Variants in SLC4A9 observed in about 807,000 individuals in gnomAD.
SLC4A9 encodes the protein anion exchange protein 4.
In SLC4A9, 102 loss-of-function variants were observed where a neutral mutation model predicts 103.2. The ratio of observed to expected loss-of-function variants is 0.99; its 90% CI spans 0.84 to 1.17. The LOEUF (loss-of-function observed/expected upper bound fraction) is 1.17, where lower values mean the gene tolerates loss of function less well. SLC4A9 is among the 50% of genes most tolerant of loss of function. The probability of loss-of-function intolerance (pLI) is 0.00; values close to 1 mark genes in which losing one functional copy is unlikely to be tolerated. For missense variants in SLC4A9, 1,091 were observed against 1,193.7 expected, an observed-to-expected ratio of 0.91 and a Z score of 1.27; for synonymous variants, 453 against 483.6, an observed-to-expected ratio of 0.94 and a Z score of 0.83.
intron 19 of SLC4A9, among the ~76,000 whole-genome samples, 161 bp downstream of exon 19, chr5:140,371,785 T>C (rs1427221219): frequency 6.6e-6 from 1 of 152,242 alleles, no homozygotes; most frequent in Non-Finnish European, 1.5e-5. Context: ...GGCAGGATGA[T>C]ACCTATGTAT....
chr5:140,373,317 G>C (rs1470069189), intron 21 of SLC4A9, among the ~76,000 whole-genome samples: 1 of 152,124 alleles, frequency 6.6e-6, no homozygotes, highest in African/African-American at 2.4e-5. Context: ...CATTTTCTGA[G>C]TACCTATCAT....
Position 140,367,518 on chromosome 5 carries a change from C to T in SLC4A9, c.2112C>T (p.Ile704=). The change falls in exon 15 of 22, where the codon ATC becomes ATT. Residue 704 remains isoleucine (I), a synonymous_variant. Transcript: ENST00000506757. Reference sequence around the variant, plus strand: ...CCCTGCCTGCCCTGCTGCTGTCTATCCTCATCTTCATGGACCAACAGATCA... The same window carrying T: ...CCCTGCCTGCCCTGCTGCTGTCTATTCTCATCTTCATGGACCAACAGATCA... The part of the protein sequence containing the change: ...AAALPALLLS[I]LIFMDQQITA... 2 of 1,604,800 alleles carry T rather than the reference C, an allele frequency of 1.2e-6. No individual in the cohort carries two copies. The highest frequency in any genetic ancestry group is 1.3e-5 in the African/African-American group (1 of 74,836).
At chr5:140,362,243 G>A (rs1290938631) in intron 5 of SLC4A9, 69 bp downstream of exon 5, 2 of 1,432,022 alleles carry the variant, frequency 1.4e-6, no homozygotes, top group African/African-American at 1.4e-5. Context: ...AGGAGGGGAA[G>A]GAGGGTCTCA....
chr5:140,370,992 C>T (rs893473869), intron 17 of SLC4A9, 103 bp from the exon 18 acceptor site: 2 of 987,526 alleles, frequency 2.0e-6, no homozygotes, highest in Admixed American at 2.1e-5. Context: ...CTGGGCAGAC[C>T]TGGATGCTAG....
intron 9 of SLC4A9, 32 bp from the exon 10 acceptor site, chr5:140,364,021 AG>A: frequency 6.5e-7 from 1 of 1,529,354 alleles, no homozygotes; most frequent in Non-Finnish European, 8.8e-7. Context: ...CGAGGACTTC[AG>A]GGTCCTGTGC....
Position 140,363,105 on chromosome 5 carries a change from TATAGG to T in SLC4A9, c.962+40_962+44del. Reference sequence around the variant, plus strand: ...ATCATCCCATACAGATTCCTGCCCATATAGGCCCTGGGTCTAATTCCATTGTTGAG... The same window carrying T: ...ATCATCCCATACAGATTCCTGCCCATCCCTGGGTCTAATTCCATTGTTGAG... On this transcript the variant is annotated intron_variant, in intron 7 of 21. Transcript: ENST00000506757. The surrounding 1 kb of genome is among the most constrained non-coding windows in gnomAD (Gnocchi z 4.5). 1 of 1,599,222 alleles carries T rather than the reference TATAGG, an allele frequency of 6.3e-7. No homozygotes were observed. The highest frequency in any genetic ancestry group is 8.5e-7 in the Non-Finnish European group (1 of 1,176,068).
In SLC4A9 at chr5:140,363,222, C is replaced by T. The variant is rs1407894756; in HGVS notation, c.962+156C>T. Among the ~76,000 whole-genome samples the T allele has an allele frequency of 6.6e-6, 1 of 152,196 alleles. No individual in the cohort carries two copies. The highest frequency in any genetic ancestry group is 1.5e-5 in the Non-Finnish European group (1 of 68,032). On this transcript the variant is annotated intron_variant, in intron 7 of 21. Coordinates refer to ENST00000506757, the MANE Select transcript of SLC4A9 (RefSeq NM_031467.3). This position sits in a 1 kb window ranked among gnomAD's most constrained non-coding sequence, Gnocchi z 4.5. ...TAACTCTGAGTTCTGCTGGACTACT[C>T]TCTCGCTAAGAGACCTGAACAAAGA...
rs1039706791 is a variant in SLC4A9 at position 140,369,478 on chromosome 5, G to C, written c.2427+819G>C. 4.6e-5 allele frequency among the ~76,000 whole-genome samples: 7 copies of C among 152,032 alleles called. No individual in the cohort carries two copies. The East Asian group carries it at 1.4e-3, about 29-fold the overall frequency. ...CCCTACCAGCAACACACACAAATGA[G>C]CAAAAATTAAGTAACAAGTAATAGC... On this transcript the variant is annotated intron_variant, in intron 17 of 21. Coordinates refer to ENST00000506757, the MANE Select transcript of SLC4A9 (RefSeq NM_031467.3).
At position 140,367,912 on chromosome 5, in the gene SLC4A9, T is replaced by C; in HGVS notation, c.2354+14T>C. 1.2e-6 allele frequency: 2 copies of C among 1,613,010 alleles called. No homozygotes were observed. The highest frequency in any genetic ancestry group is 1.7e-6 in the Non-Finnish European group (2 of 1,179,480). On this transcript the variant is annotated intron_variant, in intron 16 of 21. Coordinates refer to ENST00000506757, the MANE Select transcript of SLC4A9 (RefSeq NM_031467.3). ...CCTGGGTATCAGGTGAGGGCGGTAT[T>C]TAGGAAGTGGAGTAAGAGGTGGGCA...
intron 17 of SLC4A9, 72 bp from the exon 18 acceptor site, chr5:140,371,023 A>G (rs1179843897): frequency 7.1e-7 from 1 of 1,413,782 alleles, no homozygotes; most frequent in Non-Finnish European, 9.8e-7. Flanking sequence ...GATCTAGGGC[A>G]TCTGGGCATC....
chr5:140,365,778 G>C, intron 12 of SLC4A9, 56 bp from the exon 13 acceptor site: 3 of 1,562,806 alleles, frequency 1.9e-6, no homozygotes, highest in Non-Finnish European at 1.7e-6. Flanking sequence ...TGGTCCAGGA[G>C]AGCAGGACAT....
intron 17 of SLC4A9, among the ~76,000 whole-genome samples, chr5:140,370,485 A>G (rs1421569619): frequency 6.6e-6 from 1 of 151,940 alleles, no homozygotes; most frequent in Non-Finnish European, 1.5e-5. Context: ...AAACAAAAAC[A>G]AAAAAACAAA....
chr5:140,372,665 T>C, intron 20 of SLC4A9, 80 bp from the exon 21 acceptor site: 2 of 1,458,962 alleles, frequency 1.4e-6, no homozygotes, highest in Non-Finnish European at 1.8e-6. Context: ...TTTGTCTCAC[T>C]GTGGGTTTAC....
At chr5:140,374,661 G>A (rs1581175460) in intron 21 of SLC4A9, 166 bp from the exon 22 acceptor site, 1 of 150,784 alleles carries the variant, frequency 6.6e-6, no homozygotes, top group Non-Finnish European at 1.5e-5. Context: ...GGCTGGCCCC[G>A]AACAAGATCT....
chr5:140,361,928 T>G (rs577721738), intron 4 of SLC4A9, 65 bp downstream of exon 4: 64 of 1,613,310 alleles, frequency 4.0e-5, no homozygotes, highest in Admixed American at 8.3e-5. Context: ...TTAACAAAAG[T>G]CTACTCTCCA....
intron 6 of SLC4A9, 86 bp downstream of exon 6, chr5:140,362,618 G>A (rs2126747882): frequency 2.3e-6 from 3 of 1,313,288 alleles, no homozygotes; most frequent in East Asian, 2.3e-5. Context: ...ATGGGCTCAT[G>A]TGAGTGTGTG....
chr5:140,364,376 G>C lies in SLC4A9; in HGVS notation c.1402G>C (p.Asp468His). 1 of 1,612,862 alleles carries C rather than the reference G, an allele frequency of 6.2e-7. No homozygotes were observed. Among genetic ancestry groups the C allele is most frequent in the Non-Finnish European group, 8.5e-7 (1 of 1,179,872 alleles). ...TCATCCCCACAGAGATTACAGCCTG[G>C]ACTACCTGCCCTTCCGCCTATGGGT... ...LFSFSRDYSL[D>H]YLPFRLWVGI... is the part of the protein sequence containing the mutation. The change falls in exon 11 of 22, where the codon GAC (aspartate) becomes CAC (histidine). Residue 468 changes from aspartate to histidine, a missense_variant. By Grantham distance (81) the Asp-to-His change is moderately conservative. Transcript: ENST00000506757.
intron 20 of SLC4A9, 73 bp downstream of exon 20, chr5:140,372,470 C>T: frequency 6.4e-7 from 1 of 1,572,358 alleles, no homozygotes; most frequent in Admixed American, 2.1e-5. Context: ...AGGAGCTGTC[C>T]CTAAATAATA....
At chr5:140,372,511 G>T in intron 20 of SLC4A9, 114 bp downstream of exon 20, 1 of 1,512,368 alleles carries the variant, frequency 6.6e-7, no homozygotes. Flanking sequence ...CTGATCAACA[G>T]TCACTTCCCT....
Sources: gnomAD v4.1 joint callset for allele counts (sites outside exome capture counted in the v4.1 genomes callset) on GRCh38, gnomAD v4.1.1 for gene constraint, Gnocchi (gnomAD v3.1) non-coding constraint, MANE v1.5 for transcripts, NCBI Gene and HGNC (gene_info 2026-07-23, HGNC 2026-07-21) for gene names.